SULT6B1: variants seen among roughly 807,000 people sequenced by gnomAD.
The protein encoded by SULT6B1 is sulfotransferase 6B1.
In SULT6B1, 44 loss-of-function variants were observed where a neutral mutation model predicts 37.2. The observed-to-expected ratio is 1.18, with a 90% CI of 0.93 to 1.52. The LOEUF (loss-of-function observed/expected upper bound fraction) is 1.52, where lower values mean the gene tolerates loss of function less well. Among genes scored for constraint, SULT6B1 ranks in the 40% most tolerant of loss-of-function variants. The probability of loss-of-function intolerance (pLI) is 0.00; values close to 1 mark genes in which losing one functional copy is unlikely to be tolerated. For synonymous variants in SULT6B1, 140 were observed against 126.0 expected, an observed-to-expected ratio of 1.11 and a Z score of -0.74; for missense variants, 450 against 361.0, an observed-to-expected ratio of 1.25 and a Z score of -2.00.
Position 37,187,350 on chromosome 2 carries a change from C to A in SULT6B1, c.312+5G>T. The A allele has an allele frequency of 1.3e-6, 2 of 1,555,916 alleles. No homozygotes were observed. Among genetic ancestry groups the A allele is most frequent in the South Asian group, 1.1e-5 (1 of 88,320 alleles). On this transcript the variant is annotated splice_donor_5th_base_variant and intron_variant, in intron 2 of 6. Coordinates refer to ENST00000535679, the MANE Select transcript of SULT6B1 (RefSeq NM_001367551.1). Reference sequence around the variant, plus strand: ...GCTGTAAGGTTAAAGGCTGGTTGTACTAACCTGATATTTTTCTGAATCCCC... The same window carrying A: ...GCTGTAAGGTTAAAGGCTGGTTGTAATAACCTGATATTTTTCTGAATCCCC...
chr2:37,175,185 T>C lies in SULT6B1; in HGVS notation c.571A>G (p.Lys191Glu). The change falls in exon 5 of 7, where the codon AAA becomes GAA. Residue 191 changes from lysine to glutamate, a missense_variant. Physicochemically the swap from Lys to Glu is moderately conservative, Grantham distance 56 (BLOSUM62 1). Transcript: ENST00000535679. ...TTAACATTGTCGCCATCAAGATGTT[T>C]GTTCCAATTGATTGCAAAATCAAAA... ...RYFDFAINWN[K>E]HLDGDNVKFI... The C allele has an allele frequency of 6.3e-7, 1 of 1,591,668 alleles. No individual in the cohort carries two copies. The highest frequency in any genetic ancestry group is 8.6e-7 in the Non-Finnish European group (1 of 1,168,086).
rs747678140 is a variant in SULT6B1, at chr2:37,187,469, T to TATCA, written c.200-6_200-3dup. The TATCA allele has an allele frequency of 2.9e-5, 45 of 1,554,366 alleles. No homozygotes were observed. The highest frequency in any genetic ancestry group is 4.0e-5 in the Non-Finnish European group (45 of 1,138,350). On this transcript the variant is annotated splice_polypyrimidine_tract_variant and splice_region_variant and intron_variant, in intron 1 of 6. Transcript: ENST00000535679. Reference sequence around the variant, plus strand: ...CAATGTGGAGAATCCAGTTTGAACCTATCAGAAAAATCAGAGAATAAAAAC... The same window carrying TATCA: ...CAATGTGGAGAATCCAGTTTGAACCTATCAATCAGAAAAATCAGAGAATAAAAAC...
intron 6 of SULT6B1, among the ~76,000 whole-genome samples, chr2:37,170,758 A>C (rs542952178): frequency 7.0e-5 from 10 of 143,104 alleles, no homozygotes; most frequent in African/African-American, 1.5e-4. Context: ...AAAAAAAAAA[A>C]AACTCACTGA....
intron 2 of SULT6B1, among the ~76,000 whole-genome samples, chr2:37,184,946 T>C (rs1022071688): frequency 6.6e-6 from 1 of 152,196 alleles, no homozygotes; most frequent in Non-Finnish European, 1.5e-5. Context: ...AAGCGGTGAC[T>C]AGCAGTGTAA....
chr2:37,177,258 C>G (rs907913013), intron 4 of SULT6B1, among the ~76,000 whole-genome samples: 1 of 151,238 alleles, frequency 6.6e-6, no homozygotes, highest in Non-Finnish European at 1.5e-5. Flanking sequence ...GGCCCCATCT[C>G]TACAAAAAGA....
At position 37,171,452 on chromosome 2, in the gene SULT6B1, G is replaced by A; in HGVS notation, c.763C>T (p.Pro255Ser). 6.2e-7 allele frequency: 1 copy of A among 1,613,712 alleles called. No individual in the cohort carries two copies. ...ACTTTACCTTTGCGGAAAAGGAATG[G>A]GCCGACAGCACCGTGTGTGTCCTGA... ...KSQDTHGAVG[P>S]FLFRKGEVGD... The change falls in exon 6 of 7, where the codon CCA becomes TCA. Residue 255 changes from proline (P) to serine (S), a missense_variant. Pro to Ser is a moderately conservative substitution (Grantham distance 74). Coordinates refer to ENST00000535679, the MANE Select transcript of SULT6B1 (RefSeq NM_001367551.1).
rs769158962 is a variant in SULT6B1 at position 37,188,443 on chromosome 2, G to T, written c.198C>A (p.Cys66Ter). The change falls in exon 1 of 7, where the codon TGC becomes TGA. Residue 66 changes from cysteine to a stop codon, truncating the protein, a stop_gained and splice_region_variant. Coordinates refer to ENST00000535679, the MANE Select transcript of SULT6B1 (RefSeq NM_001367551.1). LOFTEE classifies it high-confidence loss of function. The part of the protein sequence containing the change: ...DDIVLASYPK[C>*]GSNWILHIVS... ...TGTAGGAAACGACTTGTCATTTACC[G>T]CACTTTGGATAAGATGCTAGCACGA... 2 of 1,612,050 alleles carry T rather than the reference G, an allele frequency of 1.2e-6. No homozygotes were observed. Among genetic ancestry groups the T allele is most frequent in the South Asian group, 2.2e-5 (2 of 90,778 alleles).
rs1194318193 is a variant in SULT6B1 at position 37,169,702 on chromosome 2, C to T, written c.782-1637G>A. On this transcript the variant is annotated intron_variant, in intron 6 of 6. Transcript: ENST00000535679. ...TAGAGACAGGGTTTCACCATCTTCGCCAGGCTGGTCTTGAACTCCTGATCT... is the reference window on the plus strand; with the variant it reads ...TAGAGACAGGGTTTCACCATCTTCGTCAGGCTGGTCTTGAACTCCTGATCT... 2.6e-5 allele frequency among the ~76,000 whole-genome samples: 4 copies of T among 152,284 alleles called. No homozygotes were observed. The South Asian group carries it at 8.3e-4, about 32-fold the overall frequency.
intron 1 of SULT6B1, among the ~76,000 whole-genome samples, chr2:37,187,848 AAC>A (rs1676707026): frequency 1.3e-5 from 2 of 151,248 alleles, no homozygotes; most frequent in South Asian, 2.1e-4. Flanking sequence ...ATTTTATGAA[AAC>A]ACAGCATCAG....
At chr2:37,183,324 A>T in intron 3 of SULT6B1, 101 bp downstream of exon 3, 1 of 912,642 alleles carries the variant, frequency 1.1e-6, no homozygotes, top group Non-Finnish European at 1.7e-6. Flanking sequence ...CAGTTCATTT[A>T]TTAAGCTTCT....
intron 1 of SULT6B1, chr2:37,194,870 T>TCCCA (rs542514056): frequency 3.0e-5 from 1 of 33,778 alleles, no homozygotes; most frequent in Non-Finnish European, 5.8e-5. Context: ...CCTCCCTCCC[T>TCCCA]CCCTCCCTCC....
intron 3 of SULT6B1, among the ~76,000 whole-genome samples, chr2:37,180,836 A>G (rs1265262049): frequency 5.3e-5 from 8 of 152,122 alleles, no homozygotes; most frequent in African/African-American, 1.4e-4. Context: ...ATGAGCCAAG[A>G]TTGTGCCATT....
rs748859635 is a variant in SULT6B1 at position 37,175,131 on chromosome 2, C to G, written c.624+1G>C. ...CTCTAAAATATCAATAATAATCTCA[C>G]CTCTTTCAGGTCTTCATATAATATG... On this transcript the variant is annotated splice_donor_variant, in intron 5 of 6. Transcript: ENST00000535679. LOFTEE classifies it high-confidence loss of function. 2 of 1,529,002 alleles carry G rather than the reference C, an allele frequency of 1.3e-6. 1 individual carries two copies. Among genetic ancestry groups the G allele is most frequent in the South Asian group, 2.6e-5 (2 of 77,848 alleles). The allele number at this position is 1,529,002 out of a possible 1,614,324, so 94.7% of individuals were successfully genotyped here.
intron 3 of SULT6B1, among the ~76,000 whole-genome samples, chr2:37,182,430 G>A (rs2148294919): frequency 6.6e-6 from 1 of 151,980 alleles, no homozygotes; most frequent in South Asian, 2.1e-4. Flanking sequence ...TTTTTAGTAG[G>A]TTGGTGCAAA....
chr2:37,172,707 C>T (rs186085848), intron 5 of SULT6B1, among the ~76,000 whole-genome samples: 3,621 of 151,932 alleles, frequency 0.024, 65 homozygotes, highest in Middle Eastern at 0.058. Context: ...AGGGTTTCAC[C>T]ATGTTGGCCA....
rs914657665 is a variant in SULT6B1 at position 37,175,263 on chromosome 2, A to T, written c.530-37T>A. The T allele has an allele frequency of 2.5e-6, 3 of 1,211,556 alleles. No individual in the cohort carries two copies. The African/African-American group carries it at 4.5e-5, about 18-fold the overall frequency. The allele number at this position is 1,211,556 out of a possible 1,614,324, so 75.1% of individuals were successfully genotyped here. On this transcript the variant is annotated intron_variant, in intron 4 of 6. Transcript: ENST00000535679. Reference sequence around the variant, plus strand: ...GGGGGGAAGACTTTAAGAAATGTCAAATAACTGAGGTTAAAATGATCATTA... The same window carrying T: ...GGGGGGAAGACTTTAAGAAATGTCATATAACTGAGGTTAAAATGATCATTA...
chr2:37,183,654 T>C (rs748534657), intron 2 of SULT6B1, 140 bp from the exon 3 acceptor site: 63 of 649,402 alleles, frequency 9.7e-5, no homozygotes, highest in Non-Finnish European at 1.3e-4. Context: ...CTCCAATTTT[T>C]CTTTTTTGAA....
chr2:37,174,021 G>A lies in SULT6B1; in HGVS notation c.624+1111C>T, dbSNP rs187363862. On this transcript the variant is annotated intron_variant, in intron 5 of 6. Coordinates refer to ENST00000535679, the MANE Select transcript of SULT6B1 (RefSeq NM_001367551.1). ...CTACCTCCTTGACTCTTTCCTCATT[G>A]GCTGTTCAGCCCTGGTTTATTCCTA... 4.2e-3 allele frequency among the ~76,000 whole-genome samples: 636 copies of A among 151,916 alleles called. 5 individuals carry two copies. Among genetic ancestry groups the A allele is most frequent in the Admixed American group, 0.014 (220 of 15,246 alleles).
upstream of SULT6B1, among the ~76,000 whole-genome samples, chr2:37,192,978 C>T (rs977511772): frequency 2.6e-5 from 4 of 152,122 alleles, no homozygotes; most frequent in Admixed American, 6.5e-5. Flanking sequence ...TAACCTGTAT[C>T]GTGTGATATG....
Sources: gnomAD v4.1 joint callset for allele counts (sites outside exome capture counted in the v4.1 genomes callset) on GRCh38, gnomAD v4.1.1 for gene constraint, MANE v1.5 for transcripts, NCBI Gene and HGNC (gene_info 2026-07-23, HGNC 2026-07-21) for gene names.